The following NSD3 variants were observed in gnomAD, a reference collection of about 807,000 sequenced individuals.
The protein encoded by NSD3 is nuclear receptor binding SET domain protein 3.
In NSD3, 24 loss-of-function variants were observed where a neutral mutation model predicts 160.8. That is an observed-to-expected ratio of 0.15 (90% CI 0.11 to 0.21). NSD3 has a LOEUF of 0.21. Ranked by LOEUF, NSD3 falls within the 10% of genes least tolerant of loss-of-function variation. The probability of loss-of-function intolerance (pLI) is 1.00; values close to 1 mark genes in which losing one functional copy is unlikely to be tolerated. For missense variants in NSD3, 1,157 were observed against 1,735.9 expected (o/e 0.67, Z 5.93); for synonymous variants, 520 against 600.0 (o/e 0.87, Z 1.95).
In NSD3 at chr8:38,275,670, G is replaced by A; in HGVS notation, c.4285C>T (p.Gln1429Ter). ...WSKIKCKWES[Q>*]DHGEEVKE Reference sequence around the variant, plus strand: ...TCTTTTACTTCTTCTCCATGATCTTGTGATTCCCATTTACATTTTATCTTG... The same window carrying A: ...TCTTTTACTTCTTCTCCATGATCTTATGATTCCCATTTACATTTTATCTTG... Residue 1429 changes from glutamine (Q) to a stop codon, truncating the protein, a stop_gained, in exon 24 of 24, where the codon CAA becomes TAA. Transcript: ENST00000317025. LOFTEE classifies it high-confidence loss of function. The A allele has an allele frequency of 6.2e-7, 1 of 1,614,120 alleles. No homozygotes were observed. The highest frequency in any genetic ancestry group is 2.2e-5 in the East Asian group (1 of 44,886).
chr8:38,358,965 G>C (rs1810891678), intron 1 of NSD3, among the ~76,000 whole-genome samples: 1 of 151,886 alleles, frequency 6.6e-6, no homozygotes, highest in Non-Finnish European at 1.5e-5. Context: ...ATATGGGTTT[G>C]GTAGGGTGAA....
Position 38,321,013 on chromosome 8 carries a change from A to G in NSD3, c.1809+59T>C. 2.0e-6 allele frequency: 3 copies of G among 1,492,956 alleles called. No individual in the cohort carries two copies. The highest frequency in any genetic ancestry group is 1.9e-6 in the Non-Finnish European group (2 of 1,075,222). The allele number at this position is 1,492,956 out of a possible 1,614,324, so 92.5% of individuals were successfully genotyped here. ...AGTTTCTCTTTCTTTTAAGACAGGA[A>G]TGTAAGCCACAACATTTACAAATAC... On this transcript the variant is annotated intron_variant, in intron 8 of 23. Transcript: ENST00000317025. This position sits in a 1 kb window ranked among gnomAD's most constrained non-coding sequence, Gnocchi z 4.7.
chr8:38,359,661 G>A (rs1262820496), intron 1 of NSD3, among the ~76,000 whole-genome samples: 1 of 152,100 alleles, frequency 6.6e-6, no homozygotes, highest in African/African-American at 2.4e-5. Context: ...CCTCACTACA[G>A]ACAAAAGCAA....
intron 4 of NSD3, among the ~76,000 whole-genome samples, chr8:38,334,198 A>C (rs1179473325): frequency 6.6e-6 from 1 of 152,258 alleles, no homozygotes; most frequent in Non-Finnish European, 1.5e-5. Context: ...TTATTTGGCA[A>C]TAAAAAGGAA....
intron 14 of NSD3, 44 bp from the exon 15 acceptor site, chr8:38,299,634 C>T (rs1489346014): frequency 4.1e-6 from 6 of 1,464,014 alleles, no homozygotes; most frequent in Non-Finnish European, 5.4e-6. Flanking sequence ...ATGAAACTAC[C>T]CATGATTCCA....
intron 7 of NSD3, 66 bp downstream of exon 7, chr8:38,326,664 C>T (rs1414021608): frequency 5.6e-6 from 8 of 1,437,856 alleles, no homozygotes; most frequent in Non-Finnish European, 7.4e-6. Context: ...ACAGCTACCA[C>T]ATTATAGCAG....
rs183863141 is a variant in NSD3 at position 38,285,015 on chromosome 8, A to T, written c.3502-3432T>A. On this transcript the variant is annotated intron_variant, in intron 19 of 23. Transcript: ENST00000317025. The stretch of plus-strand genomic sequence containing the variant: ...TGCTGACTAGACTTAAAAACCATTA[A>T]CTATGAATTCAACTGTGAAAAAAAA... 9.8e-4 allele frequency among the ~76,000 whole-genome samples: 149 copies of T among 152,364 alleles called. 2 individuals carry two copies. Among genetic ancestry groups the T allele is most frequent in the Admixed American group, 7.4e-3 (113 of 15,310 alleles).
At chr8:38,291,320 TC>T (rs1223271877) in intron 16 of NSD3, among the ~76,000 whole-genome samples, 4 of 152,216 alleles carry the variant, frequency 2.6e-5, no homozygotes, top group Non-Finnish European at 4.4e-5. Flanking sequence ...AATGAAACCA[TC>T]TGTGAGGAAA....
rs181169555 is a variant in NSD3 at position 38,351,877 on chromosome 8, G to A, written c.-44-3662C>T. Among the ~76,000 whole-genome samples the A allele has an allele frequency of 1.1e-4, 16 of 151,972 alleles. No homozygotes were observed. The East Asian group carries it at 1.6e-3, about 15-fold the overall frequency. On this transcript the variant is annotated intron_variant, in intron 1 of 23. Coordinates refer to ENST00000317025, the MANE Select transcript of NSD3 (RefSeq NM_023034.2). Reference sequence around the variant, plus strand: ...CACACACCGGGGCCTGTTGTGGGGTGGGGGGAGTGGGGAGGGATAGCATTA... The same window carrying A: ...CACACACCGGGGCCTGTTGTGGGGTAGGGGGAGTGGGGAGGGATAGCATTA...
chr8:38,338,158 G>T (rs1810269520), intron 3 of NSD3, among the ~76,000 whole-genome samples: 1 of 152,012 alleles, frequency 6.6e-6, no homozygotes, highest in Non-Finnish European at 1.5e-5. Context: ...AAATTAGCTG[G>T]GTATGGTGGC....
intron 7 of NSD3, among the ~76,000 whole-genome samples, chr8:38,324,316 G>A (rs962331395): frequency 3.9e-5 from 6 of 152,090 alleles, no homozygotes. Context: ...AACATGTGCT[G>A]CATCTCCACT....
chr8:38,296,672 C>CTGTGTGTG (rs1491324812), intron 15 of NSD3, among the ~76,000 whole-genome samples: 2 of 115,814 alleles, frequency 1.7e-5, no homozygotes, highest in South Asian at 3.2e-4. Context: ...CTCTCTCTCC[C>CTGTGTGTG]TCTGTGTGTG....
intron 2 of NSD3, among the ~76,000 whole-genome samples, chr8:38,340,846 A>T (rs1585902702): frequency 1.3e-5 from 2 of 152,262 alleles, no homozygotes; most frequent in Non-Finnish European, 2.9e-5. Flanking sequence ...ACATTAAAAA[A>T]CAGAAACACA....
In NSD3 at chr8:38,289,450, T is replaced by A. The variant is rs1808945949; in HGVS notation, c.3174A>T (p.Lys1058Asn). The change falls in exon 18 of 24, where the codon AAA becomes AAT. Residue 1058 changes from lysine to asparagine, a missense_variant. Physicochemically the swap from Lys to Asn is moderately conservative, Grantham distance 94 (BLOSUM62 0). Transcript: ENST00000317025. ...AGTTTTTTTCAATCTCTAGGGCTTC[T>A]TTACTTTCTCTTTGTGCTTTCAATT... ...FQELKAQRESKEALEIEKNSR... is the reference protein window; with the variant it reads ...FQELKAQRESNEALEIEKNSR... 1 of 1,613,966 alleles carries A rather than the reference T, an allele frequency of 6.2e-7. No individual in the cohort carries two copies. The highest frequency in any genetic ancestry group is 1.7e-5 in the Admixed American group (1 of 59,986).
intron 1 of NSD3, among the ~76,000 whole-genome samples, chr8:38,365,273 T>C (rs1419614293): frequency 6.6e-6 from 1 of 152,212 alleles, no homozygotes; most frequent in East Asian, 1.9e-4. Flanking sequence ...GTTATATATC[T>C]TTCTCCTTGT....
At chr8:38,302,139 C>A (rs768300899) in intron 14 of NSD3, among the ~76,000 whole-genome samples, 7 of 152,142 alleles carry the variant, frequency 4.6e-5, no homozygotes, top group Non-Finnish European at 4.4e-5. Flanking sequence ...ATTTTAAACA[C>A]CCAATAACCA....
intron 4 of NSD3, among the ~76,000 whole-genome samples, chr8:38,336,880 G>A (rs1426235219): frequency 1.3e-5 from 2 of 152,148 alleles, no homozygotes; most frequent in Non-Finnish European, 2.9e-5. Context: ...AGTGGCTCAC[G>A]CCTGTAATCC....
At chr8:38,284,854 C>G (rs1237189023) in intron 19 of NSD3, among the ~76,000 whole-genome samples, 1 of 152,106 alleles carries the variant, frequency 6.6e-6, no homozygotes, top group African/African-American at 2.4e-5. Context: ...ACTTGTTAGT[C>G]TATGAAAATG....
intron 12 of NSD3, among the ~76,000 whole-genome samples, chr8:38,308,061 G>A (rs1190502285): frequency 2.6e-5 from 4 of 152,162 alleles, no homozygotes; most frequent in African/African-American, 7.2e-5. Context: ...ATCATCTTTC[G>A]AAAGTGTTCA....
Sources: gnomAD v4.1 joint callset for allele counts (sites outside exome capture counted in the v4.1 genomes callset) on GRCh38, gnomAD v4.1.1 for gene constraint, Gnocchi (gnomAD v3.1) non-coding constraint, MANE v1.5 for transcripts, NCBI Gene and HGNC (gene_info 2026-07-23, HGNC 2026-07-21) for gene names.